The following FOXA3 variants were observed in gnomAD, a reference collection of about 807,000 sequenced individuals.
FOXA3 encodes the protein forkhead box A3.
In FOXA3, 11 loss-of-function variants were observed where a neutral mutation model predicts 16.9. That is an observed-to-expected ratio of 0.65 (90% CI 0.41 to 1.08). The LOEUF (loss-of-function observed/expected upper bound fraction) is 1.08, where lower values mean the gene tolerates loss of function less well. FOXA3 is among the 50% of genes least tolerant of loss of function. FOXA3 has a pLI of 0.00. For synonymous variants in FOXA3, 217 were observed against 203.3 expected (o/e 1.07, Z -0.57); for missense variants, 423 against 470.1 (o/e 0.90, Z 0.93).
Position 45,864,414 on chromosome 19 carries a change from CCCGGGGCCGGA to C in FOXA3, c.-42_-32del, listed in dbSNP as rs1244035595. The C allele has an allele frequency of 7.3e-7, 1 of 1,373,378 alleles. No homozygotes were observed. The highest frequency in any genetic ancestry group is 9.5e-7 in the Non-Finnish European group (1 of 1,049,796). The allele number at this position is 1,373,378 out of a possible 1,614,324, so 85.1% of individuals were successfully genotyped here. ...TGAGAGATCCAGAGCGCTCCGTTCC[CCCGGGGCCGGA>C]GCGGGGGCGGGTGGGGGCGTAAGCC... On this transcript the variant is annotated 5_prime_UTR_variant, in exon 1 of 2. Transcript: ENST00000302177.
At chr19:45,867,014 C>T (rs1182427329) in intron 1 of FOXA3, among the ~76,000 whole-genome samples, 6 of 152,156 alleles carry the variant, frequency 3.9e-5, no homozygotes, top group Admixed American at 3.3e-4. Context: ...AGGGGAGATC[C>T]GGCTCAGACC....
rs138611202 is a variant in FOXA3 at position 45,872,891 on chromosome 19, G to A, written c.886G>A (p.Ala296Thr). 6.3e-5 allele frequency: 102 copies of A among 1,614,060 alleles called. No individual in the cohort carries two copies. Among genetic ancestry groups the A allele is most frequent in the African/African-American group, 5.3e-4 (40 of 75,022 alleles). The change falls in exon 2 of 2, where the codon GCG (alanine) becomes ACG (threonine). Residue 296 changes from alanine (A) to threonine (T), a missense_variant. Physicochemically the swap from Ala to Thr is moderately conservative, Grantham distance 58 (BLOSUM62 0). Around this residue, in one of 3 missense-constraint regions of FOXA3, gnomAD observed 168 missense variants for 179.3 expected, o/e 0.94. Coordinates refer to ENST00000302177, the MANE Select transcript of FOXA3 (RefSeq NM_004497.3). The surrounding 1 kb of genome is among the most constrained non-coding windows in gnomAD (Gnocchi z 4.5). ...LELPGELKLD[A>T]PYNFNHPFSI... is the part of the protein sequence containing the mutation. ...GCTCCCAGGGGAGCTGAAGCTGGACGCGCCCTACAACTTCAACCACCCTTT... is the reference window on the plus strand; with the variant it reads ...GCTCCCAGGGGAGCTGAAGCTGGACACGCCCTACAACTTCAACCACCCTTT...
In FOXA3 at chr19:45,872,046, A is replaced by G. The variant is rs1399262782; in HGVS notation, c.70-29A>G. The G allele has an allele frequency of 6.2e-7, 1 of 1,608,588 alleles. No individual in the cohort carries two copies. Among genetic ancestry groups the G allele is most frequent in the South Asian group, 1.1e-5 (1 of 90,472 alleles). On this transcript the variant is annotated intron_variant, in intron 1 of 1. Transcript: ENST00000302177. The surrounding 1 kb of genome is among the most constrained non-coding windows in gnomAD (Gnocchi z 4.5). ...TTGCTGACCAGCAGAGTGGAGCCCC[A>G]CTGACCCCTCCTTTCATCTTTCCCC... is the stretch of plus-strand genomic sequence containing the variant.
At chr19:45,871,740 A>G (rs1290405854) in intron 1 of FOXA3, among the ~76,000 whole-genome samples, 1 of 152,080 alleles carries the variant, frequency 6.6e-6, no homozygotes, top group East Asian at 1.9e-4. Flanking sequence ...CCTCGAAAAA[A>G]AAAATAGCAT....
At position 45,872,161 on chromosome 19, in the gene FOXA3, T is replaced by G. The variant is rs1568634549; in HGVS notation, c.156T>G (p.Pro52=). 5.0e-6 allele frequency: 8 copies of G among 1,589,078 alleles called. No homozygotes were observed. Among genetic ancestry groups the G allele is most frequent in the Non-Finnish European group, 6.9e-6 (8 of 1,167,040 alleles). Residue 52 remains proline, a synonymous_variant, in exon 2 of 2, where the codon CCT becomes CCG. Transcript: ENST00000302177. This position sits in a 1 kb window ranked among gnomAD's most constrained non-coding sequence, Gnocchi z 4.5. ...ATCCTCTAAGCTCTCCCTATCCCCC[T>G]GGGGGGCTCCCTGCCTCCCCACTGC... The part of the protein sequence containing the change: ...TLNPLSSPYP[P]GGLPASPLPS...
rs1390599424 is a variant in FOXA3, at chr19:45,872,674, C to T, written c.669C>T (p.Gly223=). The change falls in exon 2 of 2, where the codon GGC becomes GGT. Residue 223 remains glycine, a synonymous_variant. Transcript: ENST00000302177. The surrounding 1 kb of genome is among the most constrained non-coding windows in gnomAD (Gnocchi z 4.5). Reference sequence around the variant, plus strand: ...TGGAGGAGAAGGTGAAAAAAGGGGGCAGCGGGGCTGCCACCACCACCAGGA... The same window carrying T: ...TGGAGGAGAAGGTGAAAAAAGGGGGTAGCGGGGCTGCCACCACCACCAGGA... ...FKLEEKVKKG[G]SGAATTTRNG... 4 of 1,611,484 alleles carry T rather than the reference C, an allele frequency of 2.5e-6. No homozygotes were observed. The highest frequency in any genetic ancestry group is 3.4e-6 in the Non-Finnish European group (4 of 1,178,996).
rs910092097 is a variant in FOXA3, at chr19:45,872,998, T to C, written c.993T>C (p.Gly331=). The part of the protein sequence containing the change: ...DVGFGGYGAE[G]GEPGVYYQGL... ...GGTTTGGGGGCTACGGGGCTGAAGG[T>C]GGGGAGCCTGGAGTCTACTACCAGG... The change falls in exon 2 of 2, where the codon GGT becomes GGC. Residue 331 remains glycine, a synonymous_variant. Transcript: ENST00000302177. The surrounding 1 kb of genome is among the most constrained non-coding windows in gnomAD (Gnocchi z 4.5). 1.2e-6 allele frequency: 2 copies of C among 1,612,780 alleles called. No homozygotes were observed. The highest frequency in any genetic ancestry group is 2.7e-5 in the African/African-American group (2 of 74,884).
At position 45,872,538 on chromosome 19, in the gene FOXA3, T is replaced by C; in HGVS notation, c.533T>C (p.Val178Ala). 1 of 1,614,116 alleles carries C rather than the reference T, an allele frequency of 6.2e-7. No homozygotes were observed. Among genetic ancestry groups the C allele is most frequent in the Non-Finnish European group, 8.5e-7 (1 of 1,180,010 alleles). The change falls in exon 2 of 2, where the codon GTG becomes GCG. Residue 178 changes from valine to alanine, a missense_variant. Transcript: ENST00000302177. This position sits in a 1 kb window ranked among gnomAD's most constrained non-coding sequence, Gnocchi z 4.5. ...SLSFNDCFVK[V>A]ARSPDKPGKG... The stretch of plus-strand genomic sequence containing the variant: ...TCTTTCAACGACTGCTTCGTCAAGG[T>C]GGCGCGTTCCCCAGACAAGCCTGGC...
At chr19:45,867,416 GATA>G (rs1360954538) in intron 1 of FOXA3, among the ~76,000 whole-genome samples, 8 of 113,056 alleles carry the variant, frequency 7.1e-5, no homozygotes, top group Non-Finnish European at 1.5e-4. Flanking sequence ...AAGGGAGGGA[GATA>G]GATAGATAGA....
Position 45,864,503 on chromosome 19 carries a change from G to A in FOXA3, c.47G>A (p.Ser16Asn), listed in dbSNP as rs767110472. 1 of 1,552,624 alleles carries A rather than the reference G, an allele frequency of 6.4e-7. No homozygotes were observed. The highest frequency in any genetic ancestry group is 8.7e-7 in the Non-Finnish European group (1 of 1,148,158). The change falls in exon 1 of 2, where the codon AGC becomes AAC. Residue 16 changes from serine to asparagine, a missense_variant. Transcript: ENST00000302177. ...KMEAHDLAEWSYYPEAGEVYS... is the reference protein window; with the variant it reads ...KMEAHDLAEWNYYPEAGEVYS... Reference sequence around the variant, plus strand: ...GAGGCCCATGACCTGGCCGAGTGGAGCTACTACCCGGAGGCGGGCGAGGTG... The same window carrying A: ...GAGGCCCATGACCTGGCCGAGTGGAACTACTACCCGGAGGCGGGCGAGGTG...
In FOXA3 at chr19:45,872,938, A is replaced by G; in HGVS notation, c.933A>G (p.Ser311=). Reference sequence around the variant, plus strand: ...CTTTCTCCATCAACAACCTAATGTCAGAACAGACACCAGCACCTCCCAAAC... The same window carrying G: ...CTTTCTCCATCAACAACCTAATGTCGGAACAGACACCAGCACCTCCCAAAC... ...NHPFSINNLM[S]EQTPAPPKLD... is the part of the protein sequence containing the mutation. The change falls in exon 2 of 2, where the codon TCA becomes TCG. Residue 311 remains serine (S), a synonymous_variant. Transcript: ENST00000302177. The surrounding 1 kb of genome is among the most constrained non-coding windows in gnomAD (Gnocchi z 4.5). The G allele has an allele frequency of 6.2e-7, 1 of 1,614,134 alleles. No individual in the cohort carries two copies. The highest frequency in any genetic ancestry group is 8.5e-7 in the Non-Finnish European group (1 of 1,180,006).
chr19:45,868,377 C>T lies in FOXA3; in HGVS notation c.70-3698C>T, dbSNP rs190947746. 3.3e-5 allele frequency among the ~76,000 whole-genome samples: 5 copies of T among 152,054 alleles called. No individual in the cohort carries two copies. The East Asian group carries it at 9.7e-4, about 29-fold the overall frequency. Reference sequence around the variant, plus strand: ...GGAGGATCACCTGAGGTCAGGAGTTCGAGACTAGCCTGACCAACATGGTGA... The same window carrying T: ...GGAGGATCACCTGAGGTCAGGAGTTTGAGACTAGCCTGACCAACATGGTGA... On this transcript the variant is annotated intron_variant, in intron 1 of 1. Coordinates refer to ENST00000302177, the MANE Select transcript of FOXA3 (RefSeq NM_004497.3).
chr19:45,873,076 G>A lies in FOXA3; in HGVS notation c.*18G>A. On this transcript the variant is annotated 3_prime_UTR_variant, in exon 2 of 2. Coordinates refer to ENST00000302177, the MANE Select transcript of FOXA3 (RefSeq NM_004497.3). ...CATCCTAGCAGGGGTTGGGAACATG[G>A]TGGTGGGTATGGCTGGAGCTCACAC... The A allele has an allele frequency of 1.3e-6, 2 of 1,572,778 alleles. No individual in the cohort carries two copies. Among genetic ancestry groups the A allele is most frequent in the African/African-American group, 2.7e-5 (2 of 74,412 alleles).
chr19:45,870,079 C>T (rs916385418), intron 1 of FOXA3, among the ~76,000 whole-genome samples: 1 of 151,702 alleles, frequency 6.6e-6, no homozygotes, highest in Non-Finnish European at 1.5e-5. Context: ...AGCCACTGTG[C>T]CCAGCCTAAA....
intron 1 of FOXA3, among the ~76,000 whole-genome samples, chr19:45,870,863 A>C (rs904875788): frequency 7.9e-5 from 12 of 152,084 alleles, no homozygotes; most frequent in Non-Finnish European, 1.5e-4. Context: ...CTGAGGCAGG[A>C]GGATTACTCG....
intron 1 of FOXA3, among the ~76,000 whole-genome samples, chr19:45,869,584 G>T (rs1972115359): frequency 6.6e-6 from 1 of 152,144 alleles, no homozygotes; most frequent in Admixed American, 6.5e-5. Flanking sequence ...TTCCAAAAAT[G>T]GGATGCATTT....
chr19:45,869,076 T>C (rs1181058080), intron 1 of FOXA3, among the ~76,000 whole-genome samples: 1 of 152,068 alleles, frequency 6.6e-6, no homozygotes, highest in African/African-American at 2.4e-5. Flanking sequence ...TGCAGGCATG[T>C]GCCACCATGC....
At position 45,873,400 on chromosome 19, in the gene FOXA3, A is replaced by G. The variant is rs1966930144; in HGVS notation, c.*342A>G. The G allele has an allele frequency of 2.8e-6, 1 of 353,410 alleles. No homozygotes were observed. Among genetic ancestry groups the G allele is most frequent in the Admixed American group, 4.2e-5 (1 of 23,934 alleles). 21.9% of individuals were successfully genotyped at this position (353,410 alleles called of 1,614,324 possible). A position where few individuals can be genotyped will look rare whatever the true frequency, so the allele number is the denominator to read the frequency against. ...AGTGACATCTTCTTTGGCCCCCCCC[A>G]TTAGGTGCTGTGCCCACTTCTTTTT... On this transcript the variant is annotated 3_prime_UTR_variant, in exon 2 of 2. Transcript: ENST00000302177.
At chr19:45,865,643 G>A (rs1404509376) in intron 1 of FOXA3, among the ~76,000 whole-genome samples, 1 of 152,032 alleles carries the variant, frequency 6.6e-6, no homozygotes, top group Non-Finnish European at 1.5e-5. Context: ...TGGTGACTGC[G>A]GGGGCCCCAG....
Sources: allele counts gnomAD v4.1 joint callset (sites outside exome capture counted in the v4.1 genomes callset), GRCh38; gene constraint gnomAD v4.1.1; regional missense constraint gnomAD v4.1.1; non-coding constraint Gnocchi (gnomAD v3.1); transcripts MANE v1.5; gene names NCBI Gene and HGNC (gene_info 2026-07-23, HGNC 2026-07-21).